TRMT11: variants seen among roughly 807,000 people sequenced by gnomAD.
The protein encoded by TRMT11 is tRNA (guanine(10)-N(2))-methyltransferase TRMT11.
In TRMT11, 53 loss-of-function variants were observed where a neutral mutation model predicts 62.8. The observed-to-expected ratio is 0.84, with a 90% confidence interval of 0.68 to 1.06. The LOEUF is 1.06. TRMT11 is among the 50% of genes least tolerant of loss of function. The pLI, the probability that TRMT11 is intolerant of heterozygous loss-of-function variation, is 0.00. For synonymous variants in TRMT11, 188 were observed against 190.3 expected, an observed-to-expected ratio of 0.99 and a Z score of 0.10; for missense variants, 556 against 553.4, an observed-to-expected ratio of 1.00 and a Z score of -0.05.
At chr6:126,229,424 G>A in the TRMT11 span, among the ~76,000 whole-genome samples, 1 of 152,066 alleles carries the variant, frequency 6.6e-6, no homozygotes, top group Admixed American at 6.5e-5. Context: ...CAGCTTAAAT[G>A]TATTTATATT....
At chr6:126,189,843 A>G (rs897385228) in intron 1 of TRMT11, among the ~76,000 whole-genome samples, 1 of 151,984 alleles carries the variant, frequency 6.6e-6, no homozygotes, top group Non-Finnish European at 1.5e-5. Context: ...TTAAAAAGTT[A>G]TTTATTTCAG....
At chr6:126,071,655 C>CTTT (rs373236248) in intron 17 of TRMT11, among the ~76,000 whole-genome samples, 1 of 133,228 alleles carries the variant, frequency 7.5e-6, no homozygotes, top group African/African-American at 2.7e-5. Context: ...GTTTGCTTTG[C>CTTT]TTTTTTTTTT....
intron 21 of TRMT11, among the ~76,000 whole-genome samples, chr6:126,125,021 A>C (rs1777699157): frequency 6.6e-6 from 1 of 152,012 alleles, no homozygotes; most frequent in Admixed American, 6.6e-5. Flanking sequence ...ACCTTATATT[A>C]ATCTTTAATT....
At chr6:126,245,532 G>A in the TRMT11 span, among the ~76,000 whole-genome samples, 2 of 152,222 alleles carry the variant, frequency 1.3e-5, no homozygotes, top group African/African-American at 4.8e-5. Context: ...GACTGGCAGA[G>A]GTACACATAT....
Position 126,112,474 on chromosome 6 carries a change from A to G in TRMT11, c.*1438-392A>G, listed in dbSNP as rs138632643. 1.8e-3 allele frequency among the ~76,000 whole-genome samples: 271 copies of G among 152,232 alleles called. 1 individual carries two copies. Among genetic ancestry groups the G allele is most frequent in the African/African-American group, 6.4e-3 (265 of 41,568 alleles). ...GCAGTTGGTTCCATTCTGACATGGTAGAGATATGAAGCTTCCTTCAACTGA... is the reference window on the plus strand; with the variant it reads ...GCAGTTGGTTCCATTCTGACATGGTGGAGATATGAAGCTTCCTTCAACTGA... On this transcript the variant is annotated intron_variant and NMD_transcript_variant, in intron 17 of 22. Transcript: ENST00000648977.
the TRMT11 span, among the ~76,000 whole-genome samples, chr6:126,251,110 A>C: frequency 6.6e-6 from 1 of 151,208 alleles, no homozygotes; most frequent in African/African-American, 2.4e-5. Context: ...GGCTCACTGC[A>C]ACCTCCGCCT....
intron 17 of TRMT11, among the ~76,000 whole-genome samples, chr6:126,104,228 C>T (rs1256363188): frequency 2.0e-5 from 3 of 152,036 alleles, no homozygotes; most frequent in Admixed American, 6.6e-5. Flanking sequence ...TATGAATAGT[C>T]GCCGTTCAAA....
intron 8 of TRMT11, among the ~76,000 whole-genome samples, chr6:126,010,990 G>A (rs1015766949): frequency 6.6e-6 from 1 of 152,064 alleles, no homozygotes; most frequent in East Asian, 1.9e-4. Context: ...AAAAATCTTC[G>A]TACTTGAAAA....
chr6:126,263,527 C>G, the TRMT11 span, among the ~76,000 whole-genome samples: 1 of 152,154 alleles, frequency 6.6e-6, no homozygotes, highest in Non-Finnish European at 1.5e-5. Context: ...CCAGATGTAT[C>G]TAAGACACAA....
At chr6:126,219,209 T>G in the TRMT11 span, among the ~76,000 whole-genome samples, 11 of 152,264 alleles carry the variant, frequency 7.2e-5, no homozygotes, top group East Asian at 9.6e-4. Flanking sequence ...AGTGTTTTTT[T>G]TGTGTGTGTA....
At chr6:126,111,443 A>T (rs897625165) in intron 17 of TRMT11, among the ~76,000 whole-genome samples, 2 of 152,106 alleles carry the variant, frequency 1.3e-5, no homozygotes, top group African/African-American at 4.8e-5. Flanking sequence ...TTTTAATATT[A>T]AAAGTCTCTT....
chr6:126,109,726 G>A (rs1777508764), intron 17 of TRMT11, among the ~76,000 whole-genome samples: 1 of 152,128 alleles, frequency 6.6e-6, no homozygotes, highest in Non-Finnish European at 1.5e-5. Flanking sequence ...AGTGGTGCCT[G>A]GCACATACAT....
chr6:126,098,345 T>G (rs1352998858), intron 17 of TRMT11, among the ~76,000 whole-genome samples: 1 of 152,240 alleles, frequency 6.6e-6, no homozygotes, highest in Non-Finnish European at 1.5e-5. Flanking sequence ...TCTCTTTGTT[T>G]CAGATGCTGT....
At chr6:126,184,345 G>T (rs1583902482) in intron 1 of TRMT11, among the ~76,000 whole-genome samples, 1 of 152,070 alleles carries the variant, frequency 6.6e-6, no homozygotes, top group Non-Finnish European at 1.5e-5. Flanking sequence ...ATAAATATTG[G>T]TCACTGACTG....
intron 17 of TRMT11, among the ~76,000 whole-genome samples, chr6:126,083,549 T>G (rs564583484): frequency 1.3e-5 from 2 of 152,292 alleles, no homozygotes; most frequent in Admixed American, 6.5e-5. Context: ...TACATATAGA[T>G]AGTAAACAGA....
At chr6:126,080,113 T>C (rs1562318571) in intron 17 of TRMT11, among the ~76,000 whole-genome samples, 1 of 151,714 alleles carries the variant, frequency 6.6e-6, no homozygotes, top group Non-Finnish European at 1.5e-5. Flanking sequence ...TTGTTGTTGT[T>C]TTTTTAGAGA....
intron 21 of TRMT11, among the ~76,000 whole-genome samples, chr6:126,150,436 CT>C (rs1175302819): frequency 1.3e-5 from 2 of 152,178 alleles, no homozygotes; most frequent in African/African-American, 4.8e-5. Context: ...ATTGTTTCAT[CT>C]TTAGGTGTTT....
intron 16 of TRMT11, among the ~76,000 whole-genome samples, chr6:126,047,155 G>A (rs1562305104): frequency 6.6e-6 from 1 of 151,908 alleles, no homozygotes; most frequent in Non-Finnish European, 1.5e-5. Context: ...GAAATACTGG[G>A]TAGAAGAGGG....
At chr6:126,000,402 A>C (rs1022346025) in intron 7 of TRMT11, among the ~76,000 whole-genome samples, 1 of 152,174 alleles carries the variant, frequency 6.6e-6, no homozygotes, top group African/African-American at 2.4e-5. Context: ...TTTATTGAAT[A>C]GTAAATGTAT....
Sources: gnomAD v4.1 joint callset for allele counts (sites outside exome capture counted in the v4.1 genomes callset) on GRCh38, gnomAD v4.1.1 for gene constraint, MANE v1.5 for transcripts, NCBI Gene and HGNC (gene_info 2026-07-23, HGNC 2026-07-21) for gene names.